Variants in DDT observed in about 807,000 individuals in gnomAD.
DDT encodes the protein D-dopachrome decarboxylase.
A neutral mutation model predicts 2.5 loss-of-function variants in DDT; 4 were observed. That is an observed-to-expected ratio of 1.59 (90% confidence interval 0.78 to 3.63). DDT has a LOEUF of 3.63. DDT is among the 30% of genes most tolerant of loss of function. The probability of loss-of-function intolerance (pLI) is 0.01; values close to 1 mark genes in which losing one functional copy is unlikely to be tolerated. For missense variants in DDT, 32 were observed against 30.0 expected, an observed-to-expected ratio of 1.07 and a Z score of -0.15; for synonymous variants, 11 against 10.0, an observed-to-expected ratio of 1.10 and a Z score of -0.19.
intron 2 of DDT, 132 bp from the exon 3 acceptor site, chr22:23,971,755 G>T: frequency 1.3e-6 from 1 of 755,192 alleles, no homozygotes; most frequent in Non-Finnish European, 2.1e-6. Flanking sequence ...TTGCAAACCT[G>T]CTCATCCCAA....
intron 2 of DDT, chr22:23,972,454 A>C (rs1182800258): frequency 6.8e-6 from 1 of 146,494 alleles, no homozygotes; most frequent in African/African-American, 2.5e-5. Context: ...TACTTTAAAT[A>C]ATCTCTGGGT....
Position 23,971,572 on chromosome 22 carries a change from C to G in DDT, c.336G>C (p.Gly112=), listed in dbSNP as rs2033902629. The change falls in exon 3 of 3, where the codon GGG becomes GGC. Residue 112 remains glycine (G), a synonymous_variant. Coordinates refer to ENST00000398344, the MANE Select transcript of DDT (RefSeq NM_001084392.3). ...CCAATCATAAAAAAGTCATGACCGT[C>G]CCTATCTTGCCAATCTGCCAGGACT... ...PLESWQIGKI[G]TVMTFL 1.2e-6 allele frequency: 2 copies of G among 1,614,154 alleles called. No individual in the cohort carries two copies. The highest frequency in any genetic ancestry group is 4.5e-5 in the East Asian group (2 of 44,880).
chr22:23,971,427 T>A lies in DDT; in HGVS notation c.*124A>T, dbSNP rs1238609567. On this transcript the variant is annotated 3_prime_UTR_variant, in exon 3 of 3. Coordinates refer to ENST00000398344, the MANE Select transcript of DDT (RefSeq NM_001084392.3). ...TATGAGGATGAAGAAGAGGATTATGTGATCACAGGAATGTTGCATGCGGGA... is the reference window on the plus strand; with the variant it reads ...TATGAGGATGAAGAAGAGGATTATGAGATCACAGGAATGTTGCATGCGGGA... 5 of 1,611,210 alleles carry A rather than the reference T, an allele frequency of 3.1e-6. No individual in the cohort carries two copies. Among genetic ancestry groups the A allele is most frequent in the Non-Finnish European group, 3.4e-6 (4 of 1,178,348 alleles).
intron 2 of DDT, chr22:23,971,885 A>T (rs998876221): frequency 2.2e-6 from 1 of 448,050 alleles, no homozygotes; most frequent in Non-Finnish European, 4.0e-6. Context: ...TGTGCCGTAC[A>T]CTCTATCATC....
intron 2 of DDT, chr22:23,972,793 T>C (rs1311693146): frequency 2.4e-6 from 1 of 424,240 alleles, no homozygotes; most frequent in Non-Finnish European, 2.9e-6. Flanking sequence ...TGGAGTGCAA[T>C]GCGCAATCAT....
intron 2 of DDT, chr22:23,972,047 C>T: frequency 2.2e-6 from 1 of 453,272 alleles, no homozygotes; most frequent in Non-Finnish European, 2.9e-6. Flanking sequence ...CATAAGTGAA[C>T]ATGCCCCTCT....
intron 2 of DDT, chr22:23,971,829 T>G: frequency 1.7e-6 from 1 of 588,142 alleles, no homozygotes. Context: ...TAGCCGCACA[T>G]CATGACCCAG....
Position 23,971,537 on chromosome 22 carries a change from C to A in DDT, c.*14G>T. The A allele has an allele frequency of 6.2e-7, 1 of 1,613,694 alleles. No homozygotes were observed. Among genetic ancestry groups the A allele is most frequent in the South Asian group, 1.1e-5 (1 of 91,004 alleles). ...CAGCCAGTTCACAGATGCCCTGGATCCCTCCGTGCCCAATCATAAAAAAGT... is the reference window on the plus strand; with the variant it reads ...CAGCCAGTTCACAGATGCCCTGGATACCTCCGTGCCCAATCATAAAAAAGT... On this transcript the variant is annotated 3_prime_UTR_variant, in exon 3 of 3. Coordinates refer to ENST00000398344, the MANE Select transcript of DDT (RefSeq NM_001084392.3).
In DDT at chr22:23,971,837, C is replaced by G; in HGVS notation, c.285-214G>C. ...TGGGAGGTAGCCGCACATCATGACC[C>G]AGCTAGGACAGACACACAATACAGT... On this transcript the variant is annotated intron_variant, in intron 2 of 2. Coordinates refer to ENST00000398344, the MANE Select transcript of DDT (RefSeq NM_001084392.3). 1.0e-5 allele frequency: 6 copies of G among 577,762 alleles called. No individual in the cohort carries two copies. The South Asian group carries it at 1.3e-4, about 12-fold the overall frequency. The allele number at this position is 577,762 out of a possible 1,614,324, so 35.8% of individuals were successfully genotyped here. A position where few individuals can be genotyped will look rare whatever the true frequency, so the allele number is the denominator to read the frequency against.
In DDT at chr22:23,971,424, A is replaced by T. The variant is rs1350879690; in HGVS notation, c.*127T>A. 40 of 1,612,028 alleles carry T rather than the reference A, an allele frequency of 2.5e-5. No individual in the cohort carries two copies. The highest frequency in any genetic ancestry group is 3.3e-5 in the Non-Finnish European group (39 of 1,178,802). ...TCATATGAGGATGAAGAAGAGGATT[A>T]TGTGATCACAGGAATGTTGCATGCG... On this transcript the variant is annotated 3_prime_UTR_variant, in exon 3 of 3. Coordinates refer to ENST00000398344, the MANE Select transcript of DDT (RefSeq NM_001084392.3).
Position 23,971,575 on chromosome 22 carries a change from T to C in DDT, c.333A>G (p.Ile111Met), listed in dbSNP as rs760824224. 2.5e-6 allele frequency: 4 copies of C among 1,614,038 alleles called. No individual in the cohort carries two copies. In the African/African-American group the frequency reaches 4.0e-5, roughly 16 times the overall value. Residue 111 changes from isoleucine (I) to methionine (M), a missense_variant, in exon 3 of 3, where the codon ATA becomes ATG. Ile to Met is a conservative substitution (Grantham distance 10). Coordinates refer to ENST00000398344, the MANE Select transcript of DDT (RefSeq NM_001084392.3). ...FPLESWQIGKIGTVMTFL is the reference protein window; with the variant it reads ...FPLESWQIGKMGTVMTFL ...ATCATAAAAAAGTCATGACCGTCCCTATCTTGCCAATCTGCCAGGACTCCA... is the reference window on the plus strand; with the variant it reads ...ATCATAAAAAAGTCATGACCGTCCCCATCTTGCCAATCTGCCAGGACTCCA...
intron 2 of DDT, chr22:23,971,992 C>G (rs2033914680): frequency 4.3e-6 from 1 of 231,422 alleles, no homozygotes; most frequent in African/African-American, 2.3e-5. Context: ...AGGCTGAGCA[C>G]AGGGTGACCC....
rs2033901929 is a variant in DDT, at chr22:23,971,546, C to G, written c.*5G>C. On this transcript the variant is annotated 3_prime_UTR_variant, in exon 3 of 3. Coordinates refer to ENST00000398344, the MANE Select transcript of DDT (RefSeq NM_001084392.3). ...CACAGATGCCCTGGATCCCTCCGTG[C>G]CCAATCATAAAAAAGTCATGACCGT... 1.2e-6 allele frequency: 2 copies of G among 1,613,868 alleles called. No homozygotes were observed. The highest frequency in any genetic ancestry group is 1.7e-6 in the Non-Finnish European group (2 of 1,179,928).
In DDT at chr22:23,971,414, G is replaced by A. The variant is rs3208352; in HGVS notation, c.*137C>T. The A allele has an allele frequency of 3.7e-6, 6 of 1,612,894 alleles. No homozygotes were observed. Among genetic ancestry groups the A allele is most frequent in the East Asian group, 2.2e-5 (1 of 44,876 alleles). On this transcript the variant is annotated 3_prime_UTR_variant, in exon 3 of 3. Coordinates refer to ENST00000398344, the MANE Select transcript of DDT (RefSeq NM_001084392.3). ...TTCATTTATTTCATATGAGGATGAA[G>A]AAGAGGATTATGTGATCACAGGAAT... is the stretch of plus-strand genomic sequence containing the variant.
In DDT at chr22:23,971,570, G is replaced by A. The variant is rs150924512; in HGVS notation, c.338C>T (p.Thr113Met). 1.9e-6 allele frequency: 3 copies of A among 1,613,968 alleles called. No homozygotes were observed. Among genetic ancestry groups the A allele is most frequent in the African/African-American group, 2.7e-5 (2 of 74,908 alleles). ...LESWQIGKIGTVMTFL is the reference protein window; with the variant it reads ...LESWQIGKIGMVMTFL ...GCCCAATCATAAAAAAGTCATGACC[G>A]TCCCTATCTTGCCAATCTGCCAGGA... is the stretch of plus-strand genomic sequence containing the variant. The change falls in exon 3 of 3, where the codon ACG becomes ATG. Residue 113 changes from threonine to methionine, a missense_variant. Thr to Met is a moderately conservative substitution (Grantham distance 81). Coordinates refer to ENST00000398344, the MANE Select transcript of DDT (RefSeq NM_001084392.3).
At chr22:23,972,734 A>G (rs1464686706) in intron 2 of DDT, 1 of 872,748 alleles carries the variant, frequency 1.1e-6, no homozygotes, top group African/African-American at 2.4e-5. Context: ...CAAAGGCTCC[A>G]TTTCAGAAGG....
At chr22:23,972,064 T>G in intron 2 of DDT, 1 of 603,074 alleles carries the variant, frequency 1.7e-6, no homozygotes. Flanking sequence ...CTCTCAGAGG[T>G]AACAGCAAGT....
Position 23,971,451 on chromosome 22 carries a change from G to C in DDT, c.*100C>G, listed in dbSNP as rs376743847. The stretch of plus-strand genomic sequence containing the variant: ...GTGATCACAGGAATGTTGCATGCGG[G>C]ATAATCCAAAGCTGGTTATCTCCAG... On this transcript the variant is annotated 3_prime_UTR_variant, in exon 3 of 3. Coordinates refer to ENST00000398344, the MANE Select transcript of DDT (RefSeq NM_001084392.3). The C allele has an allele frequency of 1.9e-6, 3 of 1,608,144 alleles. No homozygotes were observed. The highest frequency in any genetic ancestry group is 8.5e-7 in the Non-Finnish European group (1 of 1,176,328).
chr22:23,972,343 T>C (rs2033923452), intron 2 of DDT: 1 of 493,608 alleles, frequency 2.0e-6, no homozygotes, highest in Admixed American at 6.6e-5. Context: ...CGTGGGAGAT[T>C]TGTTCTAGAA....
Sources: gnomAD v4.1 joint callset for allele counts on GRCh38, gnomAD v4.1.1 for gene constraint, MANE v1.5 for transcripts, NCBI Gene and HGNC (gene_info 2026-07-23, HGNC 2026-07-21) for gene names.